Variants in DRC11 observed in about 807,000 individuals in gnomAD.
The protein encoded by DRC11 is dynein regulatory complex subunit 11.
the DRC11 span, chr2:236,331,347 G>T: frequency 5.1e-6 from 8 of 1,566,138 alleles, no homozygotes; most frequent in African/African-American, 1.1e-4. This position sits in a 1 kb window ranked among gnomAD's most constrained non-coding sequence, Gnocchi z 4.8. Context: ...GGTCATCAGG[G>T]TGTTCATTTA....
the DRC11 span, among the ~76,000 whole-genome samples, chr2:236,468,242 C>T: frequency 7.2e-5 from 11 of 152,078 alleles, no homozygotes; most frequent in Admixed American, 2.6e-4. Flanking sequence ...AGGTGCACAC[C>T]ACCACACCTG....
At chr2:236,357,010 A>ATATATATCTATATATTTTATATTCG in the DRC11 span, among the ~76,000 whole-genome samples, 5 of 123,134 alleles carry the variant, frequency 4.1e-5, no homozygotes, top group Non-Finnish European at 8.5e-5. Context: ...TTATATATTC[A>ATATATATCTATATATTTTATATTCG]TATATTATAT....
chr2:236,493,380 T>C, the DRC11 span, among the ~76,000 whole-genome samples: 5 of 152,216 alleles, frequency 3.3e-5, no homozygotes, highest in Admixed American at 3.3e-4. Flanking sequence ...AATCAGCATT[T>C]TTAGAAAGTG....
the DRC11 span, among the ~76,000 whole-genome samples, chr2:236,425,725 A>G: frequency 4.6e-5 from 7 of 151,930 alleles, no homozygotes; most frequent in Admixed American, 2.0e-4. Context: ...AATGTCATGG[A>G]GATTTCCCCT....
chr2:236,318,128 G>A, the DRC11 span, among the ~76,000 whole-genome samples: 20 of 76,314 alleles, frequency 2.6e-4, no homozygotes, highest in Admixed American at 2.6e-3. The surrounding 1 kb of genome is among the most constrained non-coding windows in gnomAD (Gnocchi z 7.0). Flanking sequence ...GCCCCACCCC[G>A]CCCGCCCTCC....
chr2:236,499,193 G>C, the DRC11 span, among the ~76,000 whole-genome samples: 1 of 152,166 alleles, frequency 6.6e-6, no homozygotes, highest in Admixed American at 6.5e-5. The surrounding 1 kb of genome is among the most constrained non-coding windows in gnomAD (Gnocchi z 4.7). Context: ...TGGTTGGCTA[G>C]TGCCTTAGCC....
At chr2:236,429,550 C>G in the DRC11 span, among the ~76,000 whole-genome samples, 2 of 152,096 alleles carry the variant, frequency 1.3e-5, no homozygotes, top group African/African-American at 2.4e-5. This position sits in a 1 kb window ranked among gnomAD's most constrained non-coding sequence, Gnocchi z 5.9. Flanking sequence ...GCCTTGGGTG[C>G]ATGCAGTGGT....
At chr2:236,416,098 G>A in the DRC11 span, among the ~76,000 whole-genome samples, 2 of 152,122 alleles carry the variant, frequency 1.3e-5, no homozygotes, top group African/African-American at 4.8e-5. Flanking sequence ...ATGGATGTAG[G>A]TGGTCTACTG....
chr2:236,337,109 C>T, the DRC11 span, among the ~76,000 whole-genome samples: 5 of 152,128 alleles, frequency 3.3e-5, no homozygotes, highest in Admixed American at 6.5e-5. This position sits in a 1 kb window ranked among gnomAD's most constrained non-coding sequence, Gnocchi z 4.9. Context: ...CAGTCACATG[C>T]GCGAGCGATC....
the DRC11 span, among the ~76,000 whole-genome samples, chr2:236,357,546 AT>A: frequency 8.7e-5 from 11 of 126,888 alleles, no homozygotes; most frequent in Non-Finnish European, 1.5e-4. Flanking sequence ...TAATTTATAT[AT>A]TATTACATAT....
chr2:236,433,110 T>C, the DRC11 span, among the ~76,000 whole-genome samples: 74 of 152,314 alleles, frequency 4.9e-4, 1 homozygote, highest in South Asian at 0.015. Context: ...TTTCCATTGA[T>C]GTGCCTTTTT....
chr2:236,358,138 T>C, the DRC11 span, among the ~76,000 whole-genome samples: 1 of 115,886 alleles, frequency 8.6e-6, no homozygotes, highest in South Asian at 2.5e-4. Flanking sequence ...ATATTTATAA[T>C]ATATAAATAG....
the DRC11 span, among the ~76,000 whole-genome samples, chr2:236,320,025 G>T: frequency 6.6e-6 from 1 of 152,144 alleles, no homozygotes; most frequent in Non-Finnish European, 1.5e-5. Flanking sequence ...CACTGTGCAC[G>T]GCACACAGAG....
At chr2:236,355,058 G>A in the DRC11 span, among the ~76,000 whole-genome samples, 1 of 152,144 alleles carries the variant, frequency 6.6e-6, no homozygotes, top group Non-Finnish European at 1.5e-5. Flanking sequence ...CCTATGTGTC[G>A]GGGTCTAGGC....
At chr2:236,407,601 C>T in the DRC11 span, among the ~76,000 whole-genome samples, 8 of 152,060 alleles carry the variant, frequency 5.3e-5, no homozygotes, top group East Asian at 1.5e-3. Context: ...CACACACGGG[C>T]CACATGTACT....
At chr2:236,337,890 G>A in the DRC11 span, among the ~76,000 whole-genome samples, 13 of 151,822 alleles carry the variant, frequency 8.6e-5, no homozygotes, top group African/African-American at 3.1e-4. The surrounding 1 kb of genome is among the most constrained non-coding windows in gnomAD (Gnocchi z 4.9). Context: ...CAAGGTGAGT[G>A]ATCTTAATCT....
At chr2:236,408,380 T>G in the DRC11 span, 2 of 750,790 alleles carry the variant, frequency 2.7e-6, no homozygotes, top group Non-Finnish European at 5.0e-6. The surrounding 1 kb of genome is among the most constrained non-coding windows in gnomAD (Gnocchi z 5.5). Context: ...CAATGACTTG[T>G]GACCCCTTTG....
the DRC11 span, among the ~76,000 whole-genome samples, chr2:236,420,347 A>G: frequency 1.3e-5 from 2 of 152,156 alleles, no homozygotes; most frequent in African/African-American, 4.8e-5. This position sits in a 1 kb window ranked among gnomAD's most constrained non-coding sequence, Gnocchi z 4.8. Context: ...ATGTCAACTT[A>G]CTCCATCGTA....
the DRC11 span, among the ~76,000 whole-genome samples, chr2:236,442,695 A>G: frequency 6.6e-6 from 1 of 152,226 alleles, no homozygotes; most frequent in Non-Finnish European, 1.5e-5. Context: ...ACATTTCATC[A>G]TATTGAAAAG....
Sources: allele counts gnomAD v4.1 joint callset (sites outside exome capture counted in the v4.1 genomes callset), GRCh38; gene constraint gnomAD v4.1.1; non-coding constraint Gnocchi (gnomAD v3.1); transcripts MANE v1.5; gene names NCBI Gene and HGNC (gene_info 2026-07-23, HGNC 2026-07-21).